CBFA2T2: variants seen among roughly 807,000 people sequenced by gnomAD.
CBFA2T2 encodes protein CBFA2T2.
CBFA2T2 carries 11 observed loss-of-function variants against 62.2 expected under a neutral mutation model. The ratio of observed to expected loss-of-function variants is 0.18; its 90% confidence interval spans 0.11 to 0.29. The LOEUF is 0.29. Ranked by LOEUF, CBFA2T2 falls within the 10% of genes least tolerant of loss-of-function variation. CBFA2T2 has a pLI of 1.00. For synonymous variants in CBFA2T2, 295 were observed against 287.5 expected, an observed-to-expected ratio of 1.03 and a Z score of -0.27; for missense variants, 592 against 774.1, an observed-to-expected ratio of 0.76 and a Z score of 2.79.
intron 1 of CBFA2T2, among the ~76,000 whole-genome samples, chr20:33,550,736 C>A (rs2012717862): frequency 1.3e-5 from 2 of 152,224 alleles, no homozygotes; most frequent in Middle Eastern, 6.8e-3. Flanking sequence ...ATTCTCCTGC[C>A]TCAGCTTCCC....
intron 1 of CBFA2T2, among the ~76,000 whole-genome samples, chr20:33,529,497 G>T (rs1294681822): frequency 1.3e-5 from 2 of 151,510 alleles, no homozygotes; most frequent in Non-Finnish European, 2.9e-5. Flanking sequence ...AGGCATGGTG[G>T]CTCGCGCCTG....
At chr20:33,567,762 T>A (rs1262092806) in intron 1 of CBFA2T2, among the ~76,000 whole-genome samples, 3 of 152,026 alleles carry the variant, frequency 2.0e-5, no homozygotes, top group African/African-American at 7.3e-5. Context: ...TTTTGTATTT[T>A]TAGTAGAGAT....
At chr20:33,494,813 G>A (rs1054492821) in intron 1 of CBFA2T2, among the ~76,000 whole-genome samples, 1 of 146,574 alleles carries the variant, frequency 6.8e-6, no homozygotes, top group African/African-American at 2.5e-5. Context: ...GGTCAGGCTG[G>A]TCTCAAACTC....
chr20:33,621,287 C>CTTTTTTTTTTTTTTTTTTGTTTTTTTT (rs2015958087), intron 4 of CBFA2T2, among the ~76,000 whole-genome samples: 1 of 85,296 alleles, frequency 1.2e-5, no homozygotes, highest in Non-Finnish European at 2.2e-5. Flanking sequence ...ATTTTACTGC[C>CTTTTTTTTTTTTTTTTTTGTTTTTTTT]TTTTTTTTTT....
At chr20:33,628,503 C>A in intron 7 of CBFA2T2, 68 bp downstream of exon 7, 2 of 1,102,324 alleles carry the variant, frequency 1.8e-6, no homozygotes, top group South Asian at 2.5e-5. Flanking sequence ...GAGTCTCGCT[C>A]TGTCACCCAG....
At chr20:33,501,866 C>T (rs1281770840) in intron 1 of CBFA2T2, among the ~76,000 whole-genome samples, 1 of 151,974 alleles carries the variant, frequency 6.6e-6, no homozygotes, top group African/African-American at 2.4e-5. Flanking sequence ...TCTGGATCTC[C>T]TGACCTCAGG....
At chr20:33,615,689 C>T (rs1568854155) in intron 3 of CBFA2T2, among the ~76,000 whole-genome samples, 1 of 151,872 alleles carries the variant, frequency 6.6e-6, no homozygotes, top group African/African-American at 2.4e-5. Flanking sequence ...TATGTAGTCC[C>T]AGCTGAGGCA....
At chr20:33,583,212 T>TA (rs2014198790) in intron 1 of CBFA2T2, among the ~76,000 whole-genome samples, 1 of 152,236 alleles carries the variant, frequency 6.6e-6, no homozygotes. Flanking sequence ...TAGATTGTGT[T>TA]ACCATCTAAC....
chr20:33,626,634 A>G (rs1458542396), intron 6 of CBFA2T2, among the ~76,000 whole-genome samples: 1 of 152,244 alleles, frequency 6.6e-6, no homozygotes, highest in Non-Finnish European at 1.5e-5. Context: ...AGAGAACCAA[A>G]GGGCTATCAG....
intron 1 of CBFA2T2, among the ~76,000 whole-genome samples, chr20:33,528,415 T>A (rs959172142): frequency 2.6e-5 from 4 of 152,214 alleles, no homozygotes; most frequent in African/African-American, 9.6e-5. Flanking sequence ...AAGAATTGCC[T>A]TCAACATGAC....
Position 33,604,964 on chromosome 20 carries a change from C to A in CBFA2T2, c.35-1992C>A, listed in dbSNP as rs563342730. Among the ~76,000 whole-genome samples, 3 of 152,310 alleles carry A rather than the reference C, an allele frequency of 2.0e-5. No individual in the cohort carries two copies. In the East Asian group the frequency reaches 5.8e-4, roughly 29 times the overall value. The stretch of plus-strand genomic sequence containing the variant: ...TTAGTCCACTAATCAGACAGGACGA[C>A]CATCAATTTCACAAAGAAAATGTCC... On this transcript the variant is annotated intron_variant, in intron 1 of 10. Coordinates refer to ENST00000342704, the MANE Select transcript of CBFA2T2 (RefSeq NM_001032999.3).
At chr20:33,511,285 G>C (rs914130286) in intron 1 of CBFA2T2, among the ~76,000 whole-genome samples, 13 of 152,096 alleles carry the variant, frequency 8.5e-5, no homozygotes, top group African/African-American at 3.1e-4. Flanking sequence ...TATTTAAGTA[G>C]TTAGTCCATC....
intron 1 of CBFA2T2, among the ~76,000 whole-genome samples, chr20:33,512,572 T>A (rs1405017017): frequency 6.6e-6 from 1 of 152,140 alleles, no homozygotes; most frequent in African/African-American, 2.4e-5. Flanking sequence ...TGATACATGA[T>A]CTTGTGTTAG....
At chr20:33,529,869 C>T (rs1600934293) in intron 1 of CBFA2T2, among the ~76,000 whole-genome samples, 1 of 150,384 alleles carries the variant, frequency 6.6e-6, no homozygotes, top group East Asian at 1.9e-4. Context: ...ACTACAACCT[C>T]CCCTTCCTGG....
Position 33,647,871 on chromosome 20 carries a change from T to C in CBFA2T2, c.*3225T>C, listed in dbSNP as rs1381702115. ...GGCAGTATTCCACACTGAAGCTCAGTTTGCAAACCTTCTGCTGTGTTAATT... is the reference window on the plus strand; with the variant it reads ...GGCAGTATTCCACACTGAAGCTCAGCTTGCAAACCTTCTGCTGTGTTAATT... On this transcript the variant is annotated 3_prime_UTR_variant, in exon 11 of 11. Coordinates refer to ENST00000342704, the MANE Select transcript of CBFA2T2 (RefSeq NM_001032999.3). The C allele has an allele frequency of 6.6e-6, 1 of 152,248 alleles. No individual in the cohort carries two copies. Among genetic ancestry groups the C allele is most frequent in the Non-Finnish European group, 1.5e-5 (1 of 68,058 alleles). The allele number at this position is 152,248 out of a possible 1,614,324, so 9.4% of individuals were successfully genotyped here. A position where few individuals can be genotyped will look rare whatever the true frequency, so the allele number is the denominator to read the frequency against.
At chr20:33,599,555 A>G (rs1346310999) in intron 1 of CBFA2T2, among the ~76,000 whole-genome samples, 1 of 151,054 alleles carries the variant, frequency 6.6e-6, no homozygotes, top group East Asian at 1.9e-4. Context: ...TCTATCTTCA[A>G]AGGTCCTTGT....
intron 8 of CBFA2T2, among the ~76,000 whole-genome samples, chr20:33,633,615 G>C (rs1195348750): frequency 6.6e-6 from 1 of 152,166 alleles, no homozygotes; most frequent in African/African-American, 2.4e-5. Flanking sequence ...GTATTTAGGT[G>C]TCATTAAAGG....
intron 1 of CBFA2T2, among the ~76,000 whole-genome samples, chr20:33,509,833 T>C (rs1482546997): frequency 6.6e-6 from 1 of 151,908 alleles, no homozygotes; most frequent in African/African-American, 2.4e-5. Context: ...TTTTTTTTTT[T>C]TTTTAAATAC....
intron 1 of CBFA2T2, among the ~76,000 whole-genome samples, chr20:33,567,026 G>A (rs539628476): frequency 1.3e-5 from 2 of 152,168 alleles, no homozygotes; most frequent in Admixed American, 6.5e-5. Context: ...CCAAGTTCAA[G>A]TCAGTAAATA....
Sources: allele counts gnomAD v4.1 joint callset (sites outside exome capture counted in the v4.1 genomes callset), GRCh38; gene constraint gnomAD v4.1.1; transcripts MANE v1.5; gene names NCBI Gene and HGNC (gene_info 2026-07-23, HGNC 2026-07-21).